ACTL8: variants seen among roughly 807,000 people sequenced by gnomAD.
ACTL8 encodes the protein actin-like protein 8.
In ACTL8, 3 loss-of-function variants were observed where a neutral mutation model predicts 9.3. That is an observed-to-expected ratio of 0.32 (90% CI 0.15 to 0.83). The LOEUF (loss-of-function observed/expected upper bound fraction) is 0.83. ACTL8 is among the 40% of genes least tolerant of loss of function. ACTL8 has a pLI of 0.57. For synonymous variants in ACTL8, 224 were observed against 205.9 expected, an observed-to-expected ratio of 1.09 and a Z score of -0.75; for missense variants, 381 against 492.2, an observed-to-expected ratio of 0.77 and a Z score of 2.14.
At chr1:17,755,895 T>G (rs1033286456) in intron 1 of ACTL8, among the ~76,000 whole-genome samples, 1 of 151,010 alleles carries the variant, frequency 6.6e-6, no homozygotes, top group Non-Finnish European at 1.5e-5. Context: ...GAGGTCTCTA[T>G]CTCAGCCTGA....
In ACTL8 at chr1:17,826,136, C is replaced by T; in HGVS notation, c.718C>T (p.Leu240Phe). Residue 240 changes from leucine (L) to phenylalanine (F), a missense_variant, in exon 3 of 3, where the codon CTC becomes TTC. Around this residue, in one of 3 missense-constraint regions of ACTL8, gnomAD observed 243 missense variants for 276.2 expected, o/e 0.88. Coordinates refer to ENST00000375406, the MANE Select transcript of ACTL8 (RefSeq NM_030812.3). The surrounding 1 kb of genome is among the most constrained non-coding windows in gnomAD (Gnocchi z 4.5). ...SALDESNTYQ[L>F]PDGSRVELTP... ...CTTGGATGAGAGCAACACCTATCAGCTCCCAGACGGCTCCCGCGTGGAGCT... is the reference window on the plus strand; with the variant it reads ...CTTGGATGAGAGCAACACCTATCAGTTCCCAGACGGCTCCCGCGTGGAGCT... The T allele has an allele frequency of 6.2e-7, 1 of 1,611,236 alleles. No homozygotes were observed. The highest frequency in any genetic ancestry group is 1.7e-4 in the Middle Eastern group (1 of 6,052).
chr1:17,818,051 G>GCT (rs1199306285), intron 1 of ACTL8, among the ~76,000 whole-genome samples: 2 of 152,110 alleles, frequency 1.3e-5, no homozygotes, highest in Non-Finnish European at 1.5e-5. Context: ...TACACCACTA[G>GCT]CTCAGAGATC....
rs189466587 is a variant in ACTL8 at position 17,814,881 on chromosome 1, A to G, written c.-24-8104A>G. ...AGACAATACATACCATTATGTTACA[A>G]TTGCCTACAGTATTTAGTACAATAA... On this transcript the variant is annotated intron_variant, in intron 1 of 2. Coordinates refer to ENST00000375406, the MANE Select transcript of ACTL8 (RefSeq NM_030812.3). 1.6e-3 allele frequency among the ~76,000 whole-genome samples: 239 copies of G among 151,792 alleles called. 2 individuals are homozygous for G. Among genetic ancestry groups the G allele is most frequent in the Non-Finnish European group, 2.4e-3 (166 of 67,908 alleles).
intron 1 of ACTL8, among the ~76,000 whole-genome samples, chr1:17,805,061 C>G (rs1436876975): frequency 6.6e-6 from 1 of 152,142 alleles, no homozygotes; most frequent in Non-Finnish European, 1.5e-5. Context: ...AATTTCCTAA[C>G]AAGGCCCTAG....
At chr1:17,811,870 C>CT (rs200104295) in intron 1 of ACTL8, among the ~76,000 whole-genome samples, 18,661 of 139,506 alleles carry the variant, frequency 0.13, 1,539 homozygotes, top group Admixed American at 0.26. Context: ...GGTTTTCTGT[C>CT]TTTTTTTTTT....
chr1:17,800,304 A>G (rs115239566), intron 1 of ACTL8, among the ~76,000 whole-genome samples: 72 of 152,282 alleles, frequency 4.7e-4, no homozygotes, highest in Admixed American at 1.0e-3. Flanking sequence ...CGTTGATAAT[A>G]TGAGTGGGGT....
chr1:17,763,243 G>A (rs1227794035), intron 1 of ACTL8, among the ~76,000 whole-genome samples: 2 of 152,064 alleles, frequency 1.3e-5, no homozygotes, highest in Non-Finnish European at 2.9e-5. Flanking sequence ...AAACCAGGTG[G>A]GCTGGGGAGC....
rs762198662 is a variant in ACTL8 at position 17,826,397 on chromosome 1, G to A, written c.979G>A (p.Val327Ile). The change falls in exon 3 of 3, where the codon GTC (valine) becomes ATC (isoleucine). Residue 327 changes from valine to isoleucine, a missense_variant. By Grantham distance (29) the Val-to-Ile change is conservative (BLOSUM62 3). Transcript: ENST00000375406. The surrounding 1 kb of genome is among the most constrained non-coding windows in gnomAD (Gnocchi z 4.5). The part of the protein sequence containing the change: ...GDHVSSTKAT[V>I]WEGSNRNFSV... ...TCACGTCTCCTCCACCAAGGCCACA[G>A]TCTGGGAGGGTTCCAATAGAAACTT... 5.6e-6 allele frequency: 9 copies of A among 1,614,034 alleles called. No homozygotes were observed. Among genetic ancestry groups the A allele is most frequent in the African/African-American group, 5.3e-5 (4 of 74,924 alleles).
chr1:17,818,909 T>A (rs1023036790), intron 1 of ACTL8, among the ~76,000 whole-genome samples: 1 of 152,250 alleles, frequency 6.6e-6, no homozygotes, highest in Admixed American at 6.5e-5. Flanking sequence ...CCTAGGTAGA[T>A]GCTAATGGGG....
At chr1:17,799,295 G>A (rs1235005782) in intron 1 of ACTL8, among the ~76,000 whole-genome samples, 5 of 152,186 alleles carry the variant, frequency 3.3e-5, no homozygotes, top group East Asian at 1.9e-4. Flanking sequence ...GTTGGCGATC[G>A]TCTAGTTTTG....
rs184059781 is a variant in ACTL8 at position 17,823,793 on chromosome 1, A to G, written c.348+437A>G. 1.7e-3 allele frequency among the ~76,000 whole-genome samples: 263 copies of G among 152,228 alleles called. 1 individual carries two copies. The highest frequency in any genetic ancestry group is 4.0e-3 in the Admixed American group (61 of 15,284). On this transcript the variant is annotated intron_variant, in intron 2 of 2. Coordinates refer to ENST00000375406, the MANE Select transcript of ACTL8 (RefSeq NM_030812.3). This position sits in a 1 kb window ranked among gnomAD's most constrained non-coding sequence, Gnocchi z 5.3. ...AATTGCCCCACAAACATTTCCCAAG[A>G]ACCTAGTGAATGCCTGGTGTGCCAC...
chr1:17,768,571 G>A (rs1485230044), intron 1 of ACTL8, among the ~76,000 whole-genome samples: 2 of 152,230 alleles, frequency 1.3e-5, no homozygotes, highest in African/African-American at 4.8e-5. Context: ...GAATGTTAAA[G>A]TACAGGACCG....
At chr1:17,772,982 C>CAGCAGCGAGCTTATCAA (rs1553120413) in intron 1 of ACTL8, among the ~76,000 whole-genome samples, 2 of 152,150 alleles carry the variant, frequency 1.3e-5, no homozygotes, top group African/African-American at 4.8e-5. Context: ...CCCTCGCTCA[C>CAGCAGCGAGCTTATCAA]AGCAGCGAGC....
At chr1:17,825,433 C>T (rs1214875601) in intron 2 of ACTL8, among the ~76,000 whole-genome samples, 3 of 152,106 alleles carry the variant, frequency 2.0e-5, no homozygotes, top group Non-Finnish European at 4.4e-5. Flanking sequence ...TCTAAAGAGG[C>T]GGTTCAGGCT....
At chr1:17,812,882 A>G (rs984119603) in intron 1 of ACTL8, among the ~76,000 whole-genome samples, 16 of 152,164 alleles carry the variant, frequency 1.1e-4, no homozygotes, top group African/African-American at 3.4e-4. Flanking sequence ...ATACCAAAGT[A>G]TCTCTCTCAT....
intron 1 of ACTL8, among the ~76,000 whole-genome samples, chr1:17,779,302 C>T (rs750468270): frequency 3.3e-5 from 5 of 152,184 alleles, no homozygotes; most frequent in Admixed American, 2.6e-4. Context: ...CTCTGACCTT[C>T]GCCTTGTACC....
At chr1:17,819,636 C>T (rs1401311611) in intron 1 of ACTL8, among the ~76,000 whole-genome samples, 2 of 152,240 alleles carry the variant, frequency 1.3e-5, no homozygotes, top group Non-Finnish European at 2.9e-5. Context: ...ACAGTCTAGG[C>T]ACCCAGTCTG....
chr1:17,824,512 A>G (rs1244005683), intron 2 of ACTL8, among the ~76,000 whole-genome samples: 1 of 152,344 alleles, frequency 6.6e-6, no homozygotes, highest in Admixed American at 6.5e-5. Context: ...GAGACCATAC[A>G]TCAAGTTAAA....
chr1:17,777,421 C>T (rs929765432), intron 1 of ACTL8, among the ~76,000 whole-genome samples: 3 of 152,152 alleles, frequency 2.0e-5, no homozygotes, highest in African/African-American at 4.8e-5. Flanking sequence ...CACTTGGAAG[C>T]GTGTCCCCAT....
Sources: gnomAD v4.1 joint callset for allele counts (sites outside exome capture counted in the v4.1 genomes callset) on GRCh38, gnomAD v4.1.1 for gene constraint, gnomAD v4.1.1 regional missense constraint, Gnocchi (gnomAD v3.1) non-coding constraint, MANE v1.5 for transcripts, NCBI Gene and HGNC (gene_info 2026-07-23, HGNC 2026-07-21) for gene names.